The following HIPK1 variants were observed in gnomAD, a reference collection of about 807,000 sequenced individuals.
HIPK1 encodes the protein homeodomain interacting protein kinase 1.
HIPK1 carries 28 observed loss-of-function variants against 117.1 expected under a neutral mutation model. That is an observed-to-expected ratio of 0.24 (90% CI 0.18 to 0.33). The LOEUF is 0.33. Among genes scored for constraint, HIPK1 ranks in the 10% least tolerant of loss-of-function variants. The probability of loss-of-function intolerance (pLI) is 1.00; values close to 1 mark genes in which losing one functional copy is unlikely to be tolerated. For missense variants in HIPK1, 1,122 were observed against 1,475.1 expected (o/e 0.76, Z 3.92); for synonymous variants, 605 against 562.5 (o/e 1.08, Z -1.07).
Position 113,941,372 on chromosome 1 carries a change from C to T in HIPK1, c.989C>T (p.Pro330Leu), listed in dbSNP as rs200087480. The change falls in exon 2 of 16, where the codon CCC (proline) becomes CTC (leucine). Residue 330 changes from proline (P) to leucine (L), a missense_variant. By Grantham distance (98) the Pro-to-Leu change is moderately conservative (BLOSUM62 -3). Coordinates refer to ENST00000426820, the MANE Select transcript of HIPK1 (RefSeq NM_198268.3). This position sits in a 1 kb window ranked among gnomAD's most constrained non-coding sequence, Gnocchi z 4.9. ...ATGCTGGTTGATCCAGTTCGCCAGC[C>T]CTACCGAGTGAAGGTCATTGACTTT... ...NIMLVDPVRQ[P>L]YRVKVIDFGS... is the part of the protein sequence containing the mutation. 3.7e-6 allele frequency: 6 copies of T among 1,614,060 alleles called. No individual in the cohort carries two copies. The highest frequency in any genetic ancestry group is 5.1e-6 in the Non-Finnish European group (6 of 1,180,032).
At chr1:113,956,846 G>A (rs1245479866) in intron 6 of HIPK1, 35 bp downstream of exon 6, 1 of 1,594,312 alleles carries the variant, frequency 6.3e-7, no homozygotes, top group Admixed American at 1.7e-5. Context: ...TTTGCCATGT[G>A]GTTCTTTGTT....
chr1:113,971,391 A>G lies in HIPK1; in HGVS notation c.3014-433A>G, dbSNP rs372886994. Among the ~76,000 whole-genome samples the G allele has an allele frequency of 8.7e-4, 133 of 152,376 alleles. 2 individuals are homozygous for G. Among genetic ancestry groups the G allele is most frequent in the Middle Eastern group, 3.4e-3 (1 of 294 alleles). On this transcript the variant is annotated intron_variant, in intron 14 of 15. Coordinates refer to ENST00000426820, the MANE Select transcript of HIPK1 (RefSeq NM_198268.3). The stretch of plus-strand genomic sequence containing the variant: ...AGAATTTGAAGACAGTAAGTGTCCA[A>G]CAAGATAGAATTTTGCCTTCTTTTA...
chr1:113,943,469 C>T (rs1159340165), intron 2 of HIPK1, among the ~76,000 whole-genome samples: 3 of 152,156 alleles, frequency 2.0e-5, no homozygotes, highest in African/African-American at 7.2e-5. Context: ...AACTTCATTC[C>T]TTTTATGGCT....
intron 2 of HIPK1, among the ~76,000 whole-genome samples, chr1:113,942,513 A>G (rs1262917618): frequency 6.6e-6 from 1 of 152,166 alleles, no homozygotes; most frequent in Non-Finnish European, 1.5e-5. Context: ...TTATTCTTTT[A>G]CATTTTCTTC....
intron 1 of HIPK1, among the ~76,000 whole-genome samples, chr1:113,934,983 C>T (rs1670157748): frequency 8.9e-6 from 1 of 112,464 alleles, no homozygotes; most frequent in Non-Finnish European, 1.8e-5. Context: ...TGGTGAGAAC[C>T]TGTCTCAAAA....
chr1:113,933,161 G>A, intron 1 of HIPK1: 12 of 984,666 alleles, frequency 1.2e-5, no homozygotes, highest in Non-Finnish European at 1.4e-5. Flanking sequence ...AAATCTAAGT[G>A]AACTATTGAT....
intron 1 of HIPK1, among the ~76,000 whole-genome samples, chr1:113,932,888 T>A (rs943131829): frequency 6.6e-6 from 1 of 152,246 alleles, no homozygotes; most frequent in Non-Finnish European, 1.5e-5. Context: ...CTCCTCCATC[T>A]TCCATTCTCC....
rs1558148281 is a variant in HIPK1, at chr1:113,968,550, G to A, written c.2673G>A (p.Gln891=). ...TGGTCCCTGTCCAAGATCAGCATCA[G>A]CCCATCATCATTCCAGATACTCCCA... ...NSLVPVQDQH[Q]PIIIPDTPSP... The change falls in exon 13 of 16, where the codon CAG becomes CAA. Residue 891 remains glutamine, a synonymous_variant. Transcript: ENST00000426820. 1 of 1,613,916 alleles carries A rather than the reference G, an allele frequency of 6.2e-7. No individual in the cohort carries two copies. The highest frequency in any genetic ancestry group is 1.3e-5 in the African/African-American group (1 of 74,902).
At chr1:113,948,253 G>A (rs1473052758) in intron 2 of HIPK1, among the ~76,000 whole-genome samples, 5 of 152,116 alleles carry the variant, frequency 3.3e-5, no homozygotes, top group African/African-American at 9.7e-5. Context: ...AGTGAACTAA[G>A]CAGCCTTACT....
intron 4 of HIPK1, 26 bp from the exon 5 acceptor site, chr1:113,955,537 T>G (rs751849613): frequency 7.7e-7 from 1 of 1,304,256 alleles, no homozygotes; most frequent in Admixed American, 1.9e-5. Context: ...AGATGGAATT[T>G]AAGGAGGAAA....
At chr1:113,956,587 G>A (rs1413600344) in intron 5 of HIPK1, 40 bp from the exon 6 acceptor site, 4 of 1,513,062 alleles carry the variant, frequency 2.6e-6, no homozygotes, top group Non-Finnish European at 3.7e-6. Flanking sequence ...CAGTGCCAAA[G>A]GTTAAGTGAA....
intron 1 of HIPK1, among the ~76,000 whole-genome samples, chr1:113,938,976 A>C (rs1370215951): frequency 6.9e-6 from 1 of 144,688 alleles, no homozygotes; most frequent in African/African-American, 2.5e-5. Context: ...AGGAGATGGA[A>C]TGGATAAGAT....
chr1:113,973,503 C>G lies in HIPK1; in HGVS notation c.3624C>G (p.Ser1208=), dbSNP rs1461479580. The G allele has an allele frequency of 6.3e-7, 1 of 1,583,332 alleles. No homozygotes were observed. The highest frequency in any genetic ancestry group is 8.6e-7 in the Non-Finnish European group (1 of 1,161,818). The change falls in exon 16 of 16, where the codon TCC becomes TCG. Residue 1208 remains serine, a synonymous_variant. Coordinates refer to ENST00000426820, the MANE Select transcript of HIPK1 (RefSeq NM_198268.3). Reference sequence around the variant, plus strand: ...GTCCTACCAAGATCAGCCAGTATTCCTACTTATAGTTGGTGAGCATGAGGG... The same window carrying G: ...GTCCTACCAAGATCAGCCAGTATTCGTACTTATAGTTGGTGAGCATGAGGG... ...PLSPTKISQY[S]YL
intron 1 of HIPK1, 124 bp downstream of exon 1, chr1:113,929,656 C>CCCGG: frequency 1.0e-6 from 1 of 962,318 alleles, no homozygotes; most frequent in Non-Finnish European, 1.4e-6. Context: ...GAGCAAGGGG[C>CCCGG]CCGGCGGTAG....
intron 10 of HIPK1, among the ~76,000 whole-genome samples, chr1:113,965,878 G>A (rs184221700): frequency 1.2e-4 from 19 of 152,142 alleles, no homozygotes; most frequent in African/African-American, 3.4e-4. Flanking sequence ...GCTCTTAACC[G>A]CAGGGATCTT....
chr1:113,938,923 A>C, intron 1 of HIPK1, among the ~76,000 whole-genome samples: 1 of 27,812 alleles, frequency 3.6e-5, no homozygotes. Context: ...AAAAAAAAAA[A>C]AAAAATACAC....
intron 5 of HIPK1, 74 bp from the exon 6 acceptor site, chr1:113,956,553 G>A: frequency 9.9e-7 from 1 of 1,007,282 alleles, no homozygotes; most frequent in Non-Finnish European, 1.5e-6. Flanking sequence ...CACATAGTTT[G>A]GAGGGAAAGC....
rs370207986 is a variant in HIPK1 at position 113,971,918 on chromosome 1, G to C, written c.3108G>C (p.Gly1036=). ...ITPTGYRAQR[G]GTSAAQPLNL... ...CCACAGGGTATCGAGCTCAACGCGG[G>C]GGGACCAGTGCAGCACAACCACTCA... The change falls in exon 15 of 16, where the codon GGG becomes GGC. Residue 1036 remains glycine, a synonymous_variant. Coordinates refer to ENST00000426820, the MANE Select transcript of HIPK1 (RefSeq NM_198268.3). 1 of 1,608,302 alleles carries C rather than the reference G, an allele frequency of 6.2e-7. No individual in the cohort carries two copies. Among genetic ancestry groups the C allele is most frequent in the Admixed American group, 1.7e-5 (1 of 58,778 alleles).
In HIPK1 at chr1:113,963,527, TC is replaced by T. The variant is rs775750367; in HGVS notation, c.2238+10del. ...AACAGACTGCCGCTGTACTGGTAAT[TC>T]CCCTCACTTGATTGTGTTACTAACG... On this transcript the variant is annotated splice_region_variant and intron_variant, in intron 10 of 15. Coordinates refer to ENST00000426820, the MANE Select transcript of HIPK1 (RefSeq NM_198268.3). The T allele has an allele frequency of 3.7e-6, 6 of 1,605,908 alleles. No individual in the cohort carries two copies. The highest frequency in any genetic ancestry group is 5.1e-6 in the Non-Finnish European group (6 of 1,177,438).
Sources: allele counts gnomAD v4.1 joint callset (sites outside exome capture counted in the v4.1 genomes callset), GRCh38; gene constraint gnomAD v4.1.1; non-coding constraint Gnocchi (gnomAD v3.1); transcripts MANE v1.5; gene names NCBI Gene and HGNC (gene_info 2026-07-23, HGNC 2026-07-21).